DSCAM: variants seen among roughly 807,000 people sequenced by gnomAD.
DSCAM encodes DS cell adhesion molecule.
DSCAM carries 47 observed loss-of-function variants against 217.7 expected under a neutral mutation model. The observed-to-expected ratio is 0.22, with a 90% confidence interval of 0.17 to 0.28. DSCAM has a LOEUF of 0.28. Ranked by LOEUF, DSCAM falls within the 10% of genes least tolerant of loss-of-function variation. DSCAM has a pLI of 1.00. For missense variants in DSCAM, 2,080 were observed against 2,618.3 expected (o/e 0.79, Z 4.49); for synonymous variants, 1,056 against 1,015.3 (o/e 1.04, Z -0.76).
intron 11 of DSCAM, among the ~76,000 whole-genome samples, chr21:40,205,751 G>A (rs1244620896): frequency 6.6e-6 from 1 of 152,074 alleles, no homozygotes; most frequent in Admixed American, 6.5e-5. Flanking sequence ...TTGCCTCGGT[G>A]AATATTATAT....
intron 3 of DSCAM, among the ~76,000 whole-genome samples, chr21:40,572,104 G>A (rs1014527248): frequency 2.6e-5 from 4 of 151,864 alleles, no homozygotes; most frequent in African/African-American, 9.7e-5. Flanking sequence ...GTGTGTGTGT[G>A]TGTGTGTGTG....
chr21:40,548,519 T>C (rs1306946993), intron 3 of DSCAM, among the ~76,000 whole-genome samples: 2 of 150,966 alleles, frequency 1.3e-5, no homozygotes, highest in Non-Finnish European at 2.9e-5. Flanking sequence ...AAAAAATATA[T>C]ATATGTACAA....
intron 3 of DSCAM, among the ~76,000 whole-genome samples, chr21:40,650,190 G>A (rs1453272852): frequency 6.6e-6 from 1 of 152,096 alleles, no homozygotes; most frequent in Non-Finnish European, 1.5e-5. Context: ...TCTTCATCTG[G>A]ACAAGGCTTT....
chr21:40,173,620 T>C (rs1255235925), intron 15 of DSCAM, among the ~76,000 whole-genome samples: 1 of 152,180 alleles, frequency 6.6e-6, no homozygotes, highest in Non-Finnish European at 1.5e-5. Flanking sequence ...TCTGCACTAA[T>C]GAGCACTGCT....
chr21:40,523,236 G>T (rs193290795), intron 3 of DSCAM, among the ~76,000 whole-genome samples: 2 of 152,118 alleles, frequency 1.3e-5, no homozygotes, highest in African/African-American at 2.4e-5. Context: ...CTGTGCCCAC[G>T]GACCTAGGTG....
At chr21:40,179,454 T>C (rs1207774352) in intron 14 of DSCAM, among the ~76,000 whole-genome samples, 3 of 152,140 alleles carry the variant, frequency 2.0e-5, no homozygotes, top group African/African-American at 7.2e-5. Flanking sequence ...GAATGGACGA[T>C]GGCCACTGTA....
At chr21:40,168,768 T>C (rs2090624140) in intron 15 of DSCAM, among the ~76,000 whole-genome samples, 1 of 152,108 alleles carries the variant, frequency 6.6e-6, no homozygotes, top group South Asian at 2.1e-4. Context: ...GAAGAGGAAG[T>C]TCTGAGTAGT....
intron 3 of DSCAM, among the ~76,000 whole-genome samples, chr21:40,457,243 A>G (rs2075771188): frequency 6.6e-6 from 1 of 152,194 alleles, no homozygotes; most frequent in Non-Finnish European, 1.5e-5. Flanking sequence ...TGCGCATGGT[A>G]GCTCACACCT....
intron 3 of DSCAM, among the ~76,000 whole-genome samples, chr21:40,611,457 C>G (rs181016175): frequency 6.6e-6 from 1 of 152,078 alleles, no homozygotes; most frequent in Admixed American, 6.6e-5. Context: ...ACAATTGATA[C>G]CCTTTGATGT....
At chr21:40,575,019 AC>A (rs34151668) in intron 3 of DSCAM, among the ~76,000 whole-genome samples, 31,540 of 152,092 alleles carry the variant, frequency 0.21, 3,425 homozygotes, top group East Asian at 0.27. Context: ...CTTCACATAC[AC>A]ACTCAGATGT....
intron 3 of DSCAM, among the ~76,000 whole-genome samples, chr21:40,668,002 T>C (rs2090223818): frequency 6.6e-6 from 1 of 152,178 alleles, no homozygotes; most frequent in African/African-American, 2.4e-5. Flanking sequence ...CTAATACCTT[T>C]CCAAATTTTT....
chr21:40,760,421 G>C (rs189359360), intron 1 of DSCAM, among the ~76,000 whole-genome samples: 2 of 152,150 alleles, frequency 1.3e-5, no homozygotes, highest in African/African-American at 2.4e-5. Context: ...AGAGGGTGAC[G>C]TTAGCTTGCA....
At chr21:40,834,403 T>A (rs28651331) in intron 1 of DSCAM, among the ~76,000 whole-genome samples, 8,360 of 142,450 alleles carry the variant, frequency 0.059, 272 homozygotes, top group East Asian at 0.11. Flanking sequence ...TGAGACTCTG[T>A]CTCCAAAATA....
chr21:40,310,678 A>T (rs1478394914), intron 9 of DSCAM, among the ~76,000 whole-genome samples: 3 of 152,212 alleles, frequency 2.0e-5, no homozygotes, highest in Non-Finnish European at 4.4e-5. Flanking sequence ...CCTGGCCTGG[A>T]TCCTTCAGAG....
chr21:40,085,736 T>C lies in DSCAM; in HGVS notation c.3998A>G (p.Asp1333Gly). The change falls in exon 23 of 33, where the codon GAT becomes GGT. Residue 1333 changes from aspartate to glycine, a missense_variant. By Grantham distance (94) the Asp-to-Gly change is moderately conservative. Transcript: ENST00000400454. ...SNGTPSLVTI[D>G]GRRSIFSNGS... Reference sequence around the variant, plus strand: ...GTTGCTAAAGATGCTCCTCCGCCCATCAATCGTTACTAGACTGGGTGTCCC... The same window carrying C: ...GTTGCTAAAGATGCTCCTCCGCCCACCAATCGTTACTAGACTGGGTGTCCC... 6.4e-7 allele frequency: 1 copy of C among 1,574,212 alleles called. No individual in the cohort carries two copies. Among genetic ancestry groups the C allele is most frequent in the African/African-American group, 1.3e-5 (1 of 74,590 alleles).
chr21:40,019,077 A>G (rs1245402157), intron 32 of DSCAM, among the ~76,000 whole-genome samples: 1 of 152,250 alleles, frequency 6.6e-6, no homozygotes, highest in Non-Finnish European at 1.5e-5. Context: ...AAGCTCTGTT[A>G]TTACAGGCAC....
intron 1 of DSCAM, among the ~76,000 whole-genome samples, chr21:40,843,807 T>C (rs1044227993): frequency 2.0e-5 from 3 of 151,452 alleles, no homozygotes; most frequent in African/African-American, 7.3e-5. Flanking sequence ...TTTTTTTTTT[T>C]TTCAAAAATA....
chr21:40,416,249 T>C lies in DSCAM; in HGVS notation c.509-47004A>G, dbSNP rs578012220. ...ATTTTTCTGACAGCCCATCCTGCAT[T>C]GGTTTCTCCCCTTTCTGAACTCCGT... On this transcript the variant is annotated intron_variant, in intron 3 of 32. Transcript: ENST00000400454. Among the ~76,000 whole-genome samples the C allele has an allele frequency of 1.1e-3, 173 of 152,318 alleles. 3 individuals carry two copies. The South Asian group carries it at 0.032, about 28-fold the overall frequency.
intron 3 of DSCAM, among the ~76,000 whole-genome samples, chr21:40,614,864 T>C (rs1469562809): frequency 1.3e-5 from 2 of 152,180 alleles, no homozygotes; most frequent in East Asian, 3.8e-4. Flanking sequence ...TATGTATAAA[T>C]TGCTGCATAA....
Sources: allele counts gnomAD v4.1 joint callset (sites outside exome capture counted in the v4.1 genomes callset), GRCh38; gene constraint gnomAD v4.1.1; transcripts MANE v1.5; gene names NCBI Gene and HGNC (gene_info 2026-07-23, HGNC 2026-07-21).